The following GPATCH2 variants were observed in gnomAD, a reference collection of about 807,000 sequenced individuals.
GPATCH2 encodes the protein G patch domain-containing protein 2.
A neutral mutation model predicts 58.0 loss-of-function variants in GPATCH2; 51 were observed. The ratio of observed to expected loss-of-function variants is 0.88; its 90% CI spans 0.70 to 1.11. The LOEUF is 1.11. Ranked by LOEUF, GPATCH2 falls within the 50% of genes most tolerant of loss-of-function variation. GPATCH2 has a pLI of 0.00. For synonymous variants in GPATCH2, 222 were observed against 218.5 expected, an observed-to-expected ratio of 1.02 and a Z score of -0.14; for missense variants, 625 against 652.2, an observed-to-expected ratio of 0.96 and a Z score of 0.45.
chr1:217,622,636 C>A (rs1283889331), intron 1 of GPATCH2, among the ~76,000 whole-genome samples: 1 of 152,160 alleles, frequency 6.6e-6, no homozygotes, highest in East Asian at 1.9e-4. Flanking sequence ...TTCTGCCTCC[C>A]GGGTTCAAGT....
chr1:217,453,189 C>A (rs535167983), intron 8 of GPATCH2, among the ~76,000 whole-genome samples: 1 of 152,260 alleles, frequency 6.6e-6, no homozygotes. Context: ...AGGTGATGGT[C>A]GGCATTTTCT....
At chr1:217,477,314 C>G (rs1329765113) in intron 8 of GPATCH2, among the ~76,000 whole-genome samples, 1 of 152,026 alleles carries the variant, frequency 6.6e-6, no homozygotes, top group Non-Finnish European at 1.5e-5. Flanking sequence ...CCCAGCTGTG[C>G]TGACTCTGTC....
chr1:217,552,317 T>C (rs966291828), intron 5 of GPATCH2, among the ~76,000 whole-genome samples: 1 of 152,154 alleles, frequency 6.6e-6, no homozygotes, highest in Non-Finnish European at 1.5e-5. Context: ...AACTTAAACA[T>C]ACTCATATGG....
At chr1:217,551,811 G>A (rs1665375604) in intron 5 of GPATCH2, among the ~76,000 whole-genome samples, 1 of 152,136 alleles carries the variant, frequency 6.6e-6, no homozygotes, top group Non-Finnish European at 1.5e-5. Flanking sequence ...AGAGTTTAGA[G>A]GGGTTATGGA....
chr1:217,532,487 T>G (rs1245371394), intron 5 of GPATCH2, among the ~76,000 whole-genome samples: 1 of 152,170 alleles, frequency 6.6e-6, no homozygotes, highest in African/African-American at 2.4e-5. Context: ...GAAGAGGAGA[T>G]GTATTGGTGA....
chr1:217,626,806 C>A (rs2102857318), intron 1 of GPATCH2, among the ~76,000 whole-genome samples: 1 of 152,140 alleles, frequency 6.6e-6, no homozygotes, highest in Middle Eastern at 3.4e-3. Context: ...GACACTTATG[C>A]TAGTTTAGAA....
At chr1:217,505,187 T>TC (rs1011771534) in intron 6 of GPATCH2, among the ~76,000 whole-genome samples, 2 of 152,126 alleles carry the variant, frequency 1.3e-5, no homozygotes, top group Admixed American at 6.6e-5. Context: ...AATTCAGTTC[T>TC]CCCCCTAGGA....
chr1:217,436,404 T>C (rs1169358851), intron 9 of GPATCH2, among the ~76,000 whole-genome samples: 1 of 152,208 alleles, frequency 6.6e-6, no homozygotes, highest in Non-Finnish European at 1.5e-5. Context: ...TGAAGTAACT[T>C]AACCTTGACC....
chr1:217,453,065 C>A (rs1488617761), intron 8 of GPATCH2, among the ~76,000 whole-genome samples: 4 of 152,124 alleles, frequency 2.6e-5, no homozygotes, highest in Admixed American at 2.6e-4. Context: ...TTCATGTAAA[C>A]AATAGCAGTT....
At chr1:217,592,932 C>T (rs1474551034) in intron 5 of GPATCH2, among the ~76,000 whole-genome samples, 1 of 151,874 alleles carries the variant, frequency 6.6e-6, no homozygotes, top group Non-Finnish European at 1.5e-5. Context: ...TCAGCCCACC[C>T]CTGACTTTTG....
In GPATCH2 at chr1:217,628,809, A is replaced by G. The variant is rs551820079; in HGVS notation, c.56+2107T>C. 2.6e-5 allele frequency among the ~76,000 whole-genome samples: 4 copies of G among 152,222 alleles called. No homozygotes were observed. In the East Asian group the frequency reaches 7.7e-4, roughly 29 times the overall value. The stretch of plus-strand genomic sequence containing the variant: ...TTGAAAAAGTCAAGATGGGAGCTAA[A>G]TAAGTCAGAAAATCCAGACTGGTTA... On this transcript the variant is annotated intron_variant, in intron 1 of 9. Coordinates refer to ENST00000366935, the MANE Select transcript of GPATCH2 (RefSeq NM_018040.5).
chr1:217,550,708 T>C (rs1057509300), intron 5 of GPATCH2, among the ~76,000 whole-genome samples: 24 of 151,972 alleles, frequency 1.6e-4, no homozygotes, highest in Non-Finnish European at 2.8e-4. Flanking sequence ...GCTTACTCTG[T>C]ACTTATCACA....
intron 9 of GPATCH2, among the ~76,000 whole-genome samples, chr1:217,438,910 C>A (rs1468625423): frequency 6.6e-6 from 1 of 152,136 alleles, no homozygotes; most frequent in Non-Finnish European, 1.5e-5. Flanking sequence ...TAGACTTCCA[C>A]ACAATAATAG....
chr1:217,528,493 T>C (rs1188456692), intron 5 of GPATCH2, among the ~76,000 whole-genome samples: 6 of 152,296 alleles, frequency 3.9e-5, no homozygotes, highest in Non-Finnish European at 7.4e-5. Flanking sequence ...CCTTTCTTGC[T>C]CCTTGGTGAA....
chr1:217,460,940 G>A lies in GPATCH2; in HGVS notation c.1278-11603C>T, dbSNP rs557653841. On this transcript the variant is annotated intron_variant, in intron 8 of 9. Transcript: ENST00000366935. ...ACAATTTACTTGCATAATTGATTTG[G>A]CAAATACAGGCTGAAGACTGAATTC... 1.5e-4 allele frequency among the ~76,000 whole-genome samples: 23 copies of A among 152,236 alleles called. No homozygotes were observed. In the South Asian group the frequency reaches 4.1e-3, roughly 27 times the overall value.
At chr1:217,483,877 A>C (rs1021868273) in intron 8 of GPATCH2, among the ~76,000 whole-genome samples, 1 of 152,164 alleles carries the variant, frequency 6.6e-6, no homozygotes, top group African/African-American at 2.4e-5. Context: ...TGATATAAAT[A>C]TTTTATAAGA....
chr1:217,543,896 A>T (rs1055242090), intron 5 of GPATCH2, among the ~76,000 whole-genome samples: 1 of 152,028 alleles, frequency 6.6e-6, no homozygotes, highest in African/African-American at 2.4e-5. Context: ...CAAGAAGAGA[A>T]TCCTTCAAGA....
intron 8 of GPATCH2, among the ~76,000 whole-genome samples, chr1:217,460,593 G>A (rs935958991): frequency 1.3e-5 from 2 of 152,330 alleles, no homozygotes; most frequent in South Asian, 2.1e-4. Flanking sequence ...TAGCTGTGTC[G>A]CTCTGTAGGC....
rs565196156 is a variant in GPATCH2, at chr1:217,515,475, G to A, written c.1099-586C>T. 2.8e-4 allele frequency among the ~76,000 whole-genome samples: 42 copies of A among 152,182 alleles called. 1 individual carries two copies. Among genetic ancestry groups the A allele is most frequent in the Non-Finnish European group, 8.8e-5 (6 of 67,998 alleles). On this transcript the variant is annotated intron_variant, in intron 5 of 9. Transcript: ENST00000366935. The stretch of plus-strand genomic sequence containing the variant: ...TTACGCCTGTAATCCCAGTACTTTG[G>A]GAGGCTAAGGTCACCTGAGGTCAGG...
Sources: allele counts gnomAD v4.1 joint callset (sites outside exome capture counted in the v4.1 genomes callset), GRCh38; gene constraint gnomAD v4.1.1; transcripts MANE v1.5; gene names NCBI Gene and HGNC (gene_info 2026-07-23, HGNC 2026-07-21).